RBL2: variants seen among roughly 807,000 people sequenced by gnomAD.
The protein encoded by RBL2 is RB transcriptional corepressor like 2, also known as retinoblastoma-like protein 2.
In RBL2, 56 loss-of-function variants were observed where a neutral mutation model predicts 126.0. The ratio of observed to expected loss-of-function variants is 0.44; its 90% confidence interval spans 0.36 to 0.56. The LOEUF is 0.56. Ranked by LOEUF, RBL2 falls within the 20% of genes least tolerant of loss-of-function variation. RBL2 has a pLI of 0.00. For missense variants in RBL2, 1,229 were observed against 1,398.2 expected (o/e 0.88, Z 1.93); for synonymous variants, 454 against 478.5 (o/e 0.95, Z 0.67).
chr16:53,445,183 T>C (rs553792395), intron 3 of RBL2, among the ~76,000 whole-genome samples: 1 of 151,846 alleles, frequency 6.6e-6, no homozygotes, highest in South Asian at 2.1e-4. Flanking sequence ...AAAAATTAGC[T>C]TGGAGTGGTG....
intron 1 of RBL2, chr16:53,435,744 G>C: frequency 7.8e-7 from 1 of 1,287,136 alleles, no homozygotes. Flanking sequence ...GCCTAACCAA[G>C]GTATTATTTA....
At chr16:53,477,517 G>A (rs143322687) in intron 17 of RBL2, among the ~76,000 whole-genome samples, 6 of 151,884 alleles carry the variant, frequency 4.0e-5, no homozygotes, top group African/African-American at 1.2e-4. Flanking sequence ...GCTGATTTTT[G>A]TATTTTTTTG....
intron 11 of RBL2, among the ~76,000 whole-genome samples, 156 bp from the exon 12 acceptor site, chr16:53,464,070 A>T (rs965282095): frequency 6.6e-6 from 1 of 152,134 alleles, no homozygotes; most frequent in African/African-American, 2.4e-5. Flanking sequence ...GGCTTTATTT[A>T]TATAATTAAG....
At chr16:53,440,666 G>A (rs577485448) in intron 2 of RBL2, among the ~76,000 whole-genome samples, 2 of 152,166 alleles carry the variant, frequency 1.3e-5, no homozygotes, top group Non-Finnish European at 2.9e-5. Context: ...CGATTCTCCC[G>A]CTGTGGCCTC....
chr16:53,446,779 C>T (rs375027928), intron 3 of RBL2, among the ~76,000 whole-genome samples: 37 of 152,280 alleles, frequency 2.4e-4, no homozygotes, highest in African/African-American at 7.9e-4. Flanking sequence ...TTTTATTTTC[C>T]ACCTCACCTA....
At chr16:53,486,408 T>C (rs1232579786) in intron 21 of RBL2, among the ~76,000 whole-genome samples, 1 of 152,212 alleles carries the variant, frequency 6.6e-6, no homozygotes, top group African/African-American at 2.4e-5. Context: ...CTGTATCTAC[T>C]AAAGAAATTA....
At chr16:53,458,225 G>A (rs933020683) in intron 8 of RBL2, among the ~76,000 whole-genome samples, 4 of 152,318 alleles carry the variant, frequency 2.6e-5, no homozygotes, top group South Asian at 2.1e-4. Flanking sequence ...GTTGCCAGGT[G>A]AAAGTTTTGC....
intron 17 of RBL2, among the ~76,000 whole-genome samples, chr16:53,474,301 T>TTTTTA (rs112145011): frequency 2.5e-4 from 37 of 149,926 alleles, no homozygotes; most frequent in African/African-American, 8.9e-4. Context: ...GCTGTAATTC[T>TTTTTA]TTTATTTATT....
In RBL2 at chr16:53,483,926, T is replaced by TAAAAA. The variant is rs77395902; in HGVS notation, c.3249+2104_3249+2108dup. On this transcript the variant is annotated intron_variant, in intron 21 of 21. Coordinates refer to ENST00000262133, the MANE Select transcript of RBL2 (RefSeq NM_005611.4). ...AATGGAGACACTTTTCCTATCATAG[T>TAAAAA]AAAAAAAAAAAAAAAAAGGTGTAAA... is the stretch of plus-strand genomic sequence containing the variant. Among the ~76,000 whole-genome samples, 516 of 130,960 alleles carry TAAAAA rather than the reference T, an allele frequency of 3.9e-3. 2 individuals carry two copies. Among genetic ancestry groups the TAAAAA allele is most frequent in the African/African-American group, 0.015 (499 of 33,872 alleles). 85.9% of individuals were successfully genotyped at this position (130,960 alleles called of 152,430 possible). A position where few individuals can be genotyped will look rare whatever the true frequency, so the allele number is the denominator to read the frequency against.
intron 17 of RBL2, among the ~76,000 whole-genome samples, chr16:53,473,157 C>A (rs992119322): frequency 1.3e-5 from 2 of 150,978 alleles, no homozygotes; most frequent in African/African-American, 4.9e-5. Flanking sequence ...CTTTTTTTTT[C>A]TTTTCAAGAT....
At chr16:53,477,627 T>C (rs1960782047) in intron 17 of RBL2, among the ~76,000 whole-genome samples, 1 of 152,052 alleles carries the variant, frequency 6.6e-6, no homozygotes, top group Non-Finnish European at 1.5e-5. Context: ...ATTACAGGAG[T>C]AGCCACTACA....
At chr16:53,439,637 G>C (rs568335836) in intron 2 of RBL2, among the ~76,000 whole-genome samples, 27 of 152,142 alleles carry the variant, frequency 1.8e-4, no homozygotes, top group African/African-American at 6.3e-4. Flanking sequence ...TAAAAGAAGA[G>C]GCAGAAATTG....
At chr16:53,479,521 A>C (rs570035835) in intron 18 of RBL2, 1 of 492,366 alleles carries the variant, frequency 2.0e-6, no homozygotes, top group Non-Finnish European at 3.6e-6. Context: ...TTTAGTAAAC[A>C]TACTGTAGGT....
chr16:53,456,828 C>T (rs932706512), intron 8 of RBL2, among the ~76,000 whole-genome samples: 2 of 152,168 alleles, frequency 1.3e-5, no homozygotes, highest in Non-Finnish European at 2.9e-5. Context: ...TCAATAATAA[C>T]CACAACATCC....
chr16:53,462,535 T>A lies in RBL2; in HGVS notation c.1457-17T>A. ...TGTGCCATTTTTGTGGGGTTTTTTT[T>A]TTTATTATTTCTACAGAAATTGCCA... On this transcript the variant is annotated splice_polypyrimidine_tract_variant and intron_variant, in intron 10 of 21. Coordinates refer to ENST00000262133, the MANE Select transcript of RBL2 (RefSeq NM_005611.4). 6.9e-7 allele frequency: 1 copy of A among 1,456,240 alleles called. No homozygotes were observed. The highest frequency in any genetic ancestry group is 9.3e-7 in the Non-Finnish European group (1 of 1,076,442). 90.2% of individuals were successfully genotyped at this position (1,456,240 alleles called of 1,614,324 possible).
At chr16:53,478,731 C>T (rs911425212) in intron 17 of RBL2, among the ~76,000 whole-genome samples, 2 of 152,148 alleles carry the variant, frequency 1.3e-5, no homozygotes, top group Admixed American at 1.3e-4. Flanking sequence ...AAGTGATTCT[C>T]CTGCCTCAGC....
intron 10 of RBL2, among the ~76,000 whole-genome samples, chr16:53,462,131 T>G (rs975364053): frequency 6.6e-6 from 1 of 152,218 alleles, no homozygotes; most frequent in Non-Finnish European, 1.5e-5. Context: ...AGTGTAGTGA[T>G]TCTTCAACAT....
intron 1 of RBL2, among the ~76,000 whole-genome samples, chr16:53,437,189 G>A (rs1332266214): frequency 6.6e-6 from 1 of 151,888 alleles, no homozygotes; most frequent in East Asian, 1.9e-4. Flanking sequence ...TGCTTTCTAA[G>A]AGATATTGAT....
intron 8 of RBL2, among the ~76,000 whole-genome samples, chr16:53,456,212 G>A (rs1006123625): frequency 6.6e-6 from 1 of 151,900 alleles, no homozygotes; most frequent in Non-Finnish European, 1.5e-5. Flanking sequence ...AGAAATGCAG[G>A]GAAGAGGGAA....
Sources: allele counts gnomAD v4.1 joint callset (sites outside exome capture counted in the v4.1 genomes callset), GRCh38; gene constraint gnomAD v4.1.1; transcripts MANE v1.5; gene names NCBI Gene and HGNC (gene_info 2026-07-23, HGNC 2026-07-21).